The following UBE2G1 variants were observed in gnomAD, a reference collection of about 807,000 sequenced individuals.
The protein encoded by UBE2G1 is ubiquitin-conjugating enzyme E2 G1.
Under a neutral mutation model 22.7 loss-of-function variants are expected in UBE2G1, and 5 were observed. The observed-to-expected ratio is 0.22, with a 90% CI of 0.12 to 0.46. UBE2G1 has a LOEUF of 0.46. UBE2G1 is among the 20% of genes least tolerant of loss of function. UBE2G1 has a pLI of 0.99. For synonymous variants in UBE2G1, 74 were observed against 67.5 expected (o/e 1.10, Z -0.47); for missense variants, 88 against 203.9 (o/e 0.43, Z 3.46).
At chr17:4,311,718 G>A (rs1299018477) in intron 1 of UBE2G1, among the ~76,000 whole-genome samples, 1 of 152,132 alleles carries the variant, frequency 6.6e-6, no homozygotes, top group Non-Finnish European at 1.5e-5. Context: ...CTGGTGGCTG[G>A]CTGCACAACA....
At chr17:4,318,032 T>C (rs1443955024) in intron 1 of UBE2G1, among the ~76,000 whole-genome samples, 5 of 152,240 alleles carry the variant, frequency 3.3e-5, no homozygotes, top group Admixed American at 6.5e-5. Flanking sequence ...TATGATATTA[T>C]GTATTACTAG....
intron 1 of UBE2G1, among the ~76,000 whole-genome samples, chr17:4,344,998 C>T (rs1486583256): frequency 2.0e-5 from 3 of 152,152 alleles, no homozygotes; most frequent in African/African-American, 7.2e-5. Flanking sequence ...AATCAAACTT[C>T]AAATTACAAA....
intron 1 of UBE2G1, among the ~76,000 whole-genome samples, chr17:4,352,977 AGG>A (rs1170458319): frequency 6.6e-6 from 1 of 152,220 alleles, no homozygotes; most frequent in East Asian, 1.9e-4. Flanking sequence ...CCAGCACTTT[AGG>A]AGGGTGAGAC....
rs563334915 is a variant in UBE2G1 at position 4,299,865 on chromosome 17, C to A, written c.150-3051G>T. 4.0e-4 allele frequency among the ~76,000 whole-genome samples: 58 copies of A among 143,748 alleles called. 2 individuals are homozygous for A. In the South Asian group the frequency reaches 0.013, roughly 31 times the overall value. The allele number at this position is 143,748 out of a possible 152,430, so 94.3% of individuals were successfully genotyped here. A position where few individuals can be genotyped will look rare whatever the true frequency, so the allele number is the denominator to read the frequency against. On this transcript the variant is annotated intron_variant, in intron 2 of 5. Transcript: ENST00000396981. ...TTTTGGAGATGGAGTCTTGCTCTGT[C>A]GCCCAGGCTGGAGTGCAGTGGCGTG...
intron 1 of UBE2G1, among the ~76,000 whole-genome samples, chr17:4,357,448 T>C (rs1969918560): frequency 7.6e-6 from 1 of 131,950 alleles, no homozygotes; most frequent in Non-Finnish European, 1.5e-5. Context: ...ATTTATCCCA[T>C]GCAGATAAGG....
At chr17:4,312,233 A>G (rs902918789) in intron 1 of UBE2G1, among the ~76,000 whole-genome samples, 1 of 151,680 alleles carries the variant, frequency 6.6e-6, no homozygotes, top group African/African-American at 2.4e-5. Context: ...ACTCCGACTC[A>G]AAAAAAAGAA....
At chr17:4,358,727 G>A (rs900802682) in intron 1 of UBE2G1, among the ~76,000 whole-genome samples, 4 of 152,126 alleles carry the variant, frequency 2.6e-5, no homozygotes, top group Admixed American at 1.3e-4. Flanking sequence ...TGAAGCAGGT[G>A]GATCACCTGA....
intron 2 of UBE2G1, among the ~76,000 whole-genome samples, chr17:4,305,157 G>T (rs2143728394): frequency 6.6e-6 from 1 of 152,142 alleles, no homozygotes; most frequent in East Asian, 1.9e-4. Context: ...GTTTCTCCAT[G>T]TTGGTCAGGC....
At chr17:4,299,533 CT>C (rs1329487568) in intron 2 of UBE2G1, among the ~76,000 whole-genome samples, 2 of 152,212 alleles carry the variant, frequency 1.3e-5, no homozygotes, top group African/African-American at 4.8e-5. Context: ...ACGTCACTTA[CT>C]TTTGATTGGT....
chr17:4,279,830 T>C (rs1379849408), intron 5 of UBE2G1, among the ~76,000 whole-genome samples: 1 of 98,420 alleles, frequency 1.0e-5, no homozygotes, highest in Non-Finnish European at 2.2e-5. Flanking sequence ...TATATATATA[T>C]ATGAACCTCA....
chr17:4,312,840 T>TA lies in UBE2G1; in HGVS notation c.47-5718dup, dbSNP rs540653982. Among the ~76,000 whole-genome samples, 505 of 147,290 alleles carry TA rather than the reference T, an allele frequency of 3.4e-3. 4 individuals carry two copies. Among genetic ancestry groups the TA allele is most frequent in the African/African-American group, 0.011 (459 of 40,194 alleles). ...CTATATTCAGTCCACTGGATTCAAT[T>TA]AAAAAAAAAAGGCCACAGTTGCCCT... On this transcript the variant is annotated intron_variant, in intron 1 of 5. Transcript: ENST00000396981.
intron 1 of UBE2G1, among the ~76,000 whole-genome samples, chr17:4,342,529 C>T (rs1200145331): frequency 1.3e-5 from 2 of 152,164 alleles, no homozygotes; most frequent in Non-Finnish European, 1.5e-5. Context: ...CTGTGGTGAG[C>T]CATGTTTGTG....
At chr17:4,319,571 C>CA (rs1245421926) in intron 1 of UBE2G1, among the ~76,000 whole-genome samples, 2 of 152,084 alleles carry the variant, frequency 1.3e-5, no homozygotes, top group Non-Finnish European at 2.9e-5. Flanking sequence ...ACCACCTCTA[C>CA]AAAAAATACA....
chr17:4,322,576 T>C (rs1969453636), intron 1 of UBE2G1, among the ~76,000 whole-genome samples: 1 of 152,200 alleles, frequency 6.6e-6, no homozygotes, highest in Non-Finnish European at 1.5e-5. Flanking sequence ...TACATGATCT[T>C]CTCCACATTA....
chr17:4,318,563 CTTAG>C (rs955820775), intron 1 of UBE2G1, among the ~76,000 whole-genome samples: 2 of 151,904 alleles, frequency 1.3e-5, no homozygotes, highest in Admixed American at 6.5e-5. Context: ...CTTCTATAAA[CTTAG>C]TTAGAAGTCA....
chr17:4,291,905 T>C (rs946727256), intron 3 of UBE2G1, among the ~76,000 whole-genome samples: 4 of 152,236 alleles, frequency 2.6e-5, no homozygotes, highest in Non-Finnish European at 2.9e-5. Context: ...TTCTTATCCT[T>C]TAGCCAGTTA....
intron 1 of UBE2G1, among the ~76,000 whole-genome samples, chr17:4,320,618 C>CT (rs1198331785): frequency 3.9e-5 from 6 of 152,084 alleles, no homozygotes; most frequent in Admixed American, 1.3e-4. Flanking sequence ...CTTTTATGTA[C>CT]TTTGATTTTT....
intron 1 of UBE2G1, among the ~76,000 whole-genome samples, chr17:4,357,491 TTGTGTG>T (rs767999987): frequency 3.3e-5 from 1 of 30,552 alleles, no homozygotes; most frequent in African/African-American, 9.7e-5. Context: ...CATCACTCGG[TTGTGTG>T]TGTGTGTGTG....
At chr17:4,280,216 TG>T (rs1368785883) in intron 5 of UBE2G1, among the ~76,000 whole-genome samples, 1 of 151,510 alleles carries the variant, frequency 6.6e-6, no homozygotes, top group Admixed American at 6.6e-5. Context: ...TTTGTATATC[TG>T]GTAGAGACGA....
Sources: gnomAD v4.1 joint callset for allele counts (sites outside exome capture counted in the v4.1 genomes callset) on GRCh38, gnomAD v4.1.1 for gene constraint, MANE v1.5 for transcripts, NCBI Gene and HGNC (gene_info 2026-07-23, HGNC 2026-07-21) for gene names.